The following MROH1 variants were observed in gnomAD, a reference collection of about 807,000 sequenced individuals.
MROH1 encodes maestro heat like repeat family member 1.
MROH1 carries 117 observed loss-of-function variants against 116.5 expected under a neutral mutation model. The observed-to-expected ratio is 1.00, with a 90% CI of 0.86 to 1.17. The LOEUF (loss-of-function observed/expected upper bound fraction) is 1.17, where lower values mean the gene tolerates loss of function less well. Among genes scored for constraint, MROH1 ranks in the 50% most tolerant of loss-of-function variants. The pLI, the probability that MROH1 is intolerant of heterozygous loss-of-function variation, is 0.00. For synonymous variants in MROH1, 921 were observed against 583.9 expected (o/e 1.58, Z -8.32); for missense variants, 1,873 against 1,338.5 (o/e 1.40, Z -6.23).
rs560917326 is a variant in MROH1 at position 144,178,378 on chromosome 8, C to T, written c.169-1077C>T. Among the ~76,000 whole-genome samples, 22 of 151,526 alleles carry T rather than the reference C, an allele frequency of 1.5e-4. 1 individual carries two copies. In the South Asian group the frequency reaches 4.0e-3, roughly 27 times the overall value. On this transcript the variant is annotated intron_variant, in intron 4 of 43. Coordinates refer to ENST00000326134, the MANE Select transcript of MROH1 (RefSeq NM_032450.3). ...AACCCCTGACATCAGGTGATCCGCC[C>T]GCCTCAGCCTCCCTAAGTGTTGAGA...
chr8:144,183,109 A>G (rs529295253), intron 7 of MROH1, among the ~76,000 whole-genome samples: 2 of 152,002 alleles, frequency 1.3e-5, no homozygotes, highest in East Asian at 3.9e-4. Context: ...TGGGCATGGT[A>G]GCTTACGCCT....
intron 2 of MROH1, among the ~76,000 whole-genome samples, chr8:144,162,102 T>A (rs930473186): frequency 4.8e-5 from 7 of 145,364 alleles, no homozygotes; most frequent in African/African-American, 1.6e-4. Flanking sequence ...TTTTTTTTTT[T>A]AAGACAGAGT....
intron 3 of MROH1, among the ~76,000 whole-genome samples, chr8:144,164,423 A>C (rs1820294528): frequency 6.6e-6 from 1 of 151,438 alleles, no homozygotes; most frequent in Admixed American, 6.6e-5. Context: ...AAAAAAAAAA[A>C]AGACAGGGTC....
At chr8:144,227,264 C>T (rs569102658) in intron 14 of MROH1, among the ~76,000 whole-genome samples, 1 of 152,296 alleles carries the variant, frequency 6.6e-6, no homozygotes, top group South Asian at 2.1e-4. Flanking sequence ...CTCTAGCATG[C>T]TGCTGAATGA....
chr8:144,240,740 T>C (rs1840833902), intron 20 of MROH1, 63 bp downstream of exon 20: 2 of 704,430 alleles, frequency 2.8e-6, no homozygotes, highest in Non-Finnish European at 5.2e-6. Flanking sequence ...GTCTCGTGTC[T>C]GTCACTTGCT....
chr8:144,245,156 C>T lies in MROH1; in HGVS notation c.2767C>T (p.His923Tyr). The T allele has an allele frequency of 2.6e-6, 2 of 779,044 alleles. No individual in the cohort carries two copies. Among genetic ancestry groups the T allele is most frequent in the Non-Finnish European group, 2.4e-6 (1 of 417,770 alleles). 48.3% of individuals were successfully genotyped at this position (779,044 alleles called of 1,614,324 possible). The change falls in exon 29 of 44, where the codon CAC becomes TAC. Residue 923 changes from histidine to tyrosine, a missense_variant and splice_region_variant. Transcript: ENST00000326134. ...CCTGTGTGACGCCCCTCTTCCTCAG[C>T]ACCTGAGCCCATGGATCAAGTCCCC... ...TPQGLQIMIE[H>Y]LSPWIKSPRG...
At chr8:144,208,482 T>C (rs1274957434) in intron 12 of MROH1, among the ~76,000 whole-genome samples, 1 of 151,104 alleles carries the variant, frequency 6.6e-6, no homozygotes, top group African/African-American at 2.4e-5. Context: ...TCTGTATCCC[T>C]ATATCCCCCT....
At chr8:144,174,998 C>CT (rs1823454699) in intron 4 of MROH1, 1 of 985,284 alleles carries the variant, frequency 1.0e-6, no homozygotes, top group Admixed American at 6.2e-5. Flanking sequence ...TTGTTTTCCT[C>CT]TGGAAAAAAG....
chr8:144,215,199 T>G (rs911216013), intron 12 of MROH1, among the ~76,000 whole-genome samples: 2 of 152,248 alleles, frequency 1.3e-5, no homozygotes, highest in Non-Finnish European at 2.9e-5. Context: ...ATCAAACTTT[T>G]TAATCTTTTA....
At chr8:144,156,810 G>C (rs1272452109) in intron 1 of MROH1, among the ~76,000 whole-genome samples, 1 of 122,680 alleles carries the variant, frequency 8.2e-6, no homozygotes, top group Non-Finnish European at 1.6e-5. Flanking sequence ...TTGAGACAGA[G>C]TCTCATTCTG....
chr8:144,251,597 T>C (rs1842856150), intron 33 of MROH1: 1 of 152,318 alleles, frequency 6.6e-6, no homozygotes, highest in East Asian at 1.9e-4. Flanking sequence ...TGGGTCTGGC[T>C]GGGCTGCTGG....
Position 144,254,985 on chromosome 8 carries a change from C to T in MROH1, c.3594+7C>T, listed in dbSNP as rs35465208. The T allele has an allele frequency of 0.4, 296,964 of 749,456 alleles. 64,124 individuals carry two copies. The highest frequency in any genetic ancestry group is 0.48 in the Non-Finnish European group (195,367 of 406,448). 46.4% of individuals were successfully genotyped at this position (749,456 alleles called of 1,614,324 possible). A position where few individuals can be genotyped will look rare whatever the true frequency, so the allele number is the denominator to read the frequency against. Reference sequence around the variant, plus strand: ...CACGCTGCTGCCTCTCTCGGTGAGTCGGGCTCTCGGGGCCACCTTGACACG... The same window carrying T: ...CACGCTGCTGCCTCTCTCGGTGAGTTGGGCTCTCGGGGCCACCTTGACACG... On this transcript the variant is annotated splice_region_variant and intron_variant, in intron 34 of 43. Transcript: ENST00000326134.
intron 12 of MROH1, chr8:144,200,893 C>G (rs6995534): frequency 0.98 from 210,545 of 215,918 alleles, 102,867 homozygotes; most frequent in South Asian, 1. Context: ...CAAAGACACA[C>G]TTTGGTTTAG....
intron 31 of MROH1, among the ~76,000 whole-genome samples, chr8:144,248,302 G>T (rs905028610): frequency 6.6e-6 from 1 of 152,114 alleles, no homozygotes; most frequent in Non-Finnish European, 1.5e-5. Flanking sequence ...TTGCATTACG[G>T]GGGGGAAAAA....
chr8:144,153,669 A>G (rs1817379043), intron 1 of MROH1, among the ~76,000 whole-genome samples: 2 of 152,344 alleles, frequency 1.3e-5, no homozygotes, highest in South Asian at 2.1e-4. Context: ...TGCAGTACCC[A>G]TGGCAGTGCA....
At chr8:144,246,069 T>A (rs1841866466) in intron 29 of MROH1, among the ~76,000 whole-genome samples, 1 of 102,052 alleles carries the variant, frequency 9.8e-6, no homozygotes, top group Non-Finnish European at 1.8e-5. Context: ...CCCTTCCTCC[T>A]TCCTTTCCTT....
Position 144,252,668 on chromosome 8 carries a change from C to CA in MROH1, c.3429-2131dup, listed in dbSNP as rs1180847898. On this transcript the variant is annotated intron_variant, in intron 33 of 43. Transcript: ENST00000326134. ...GGGCGACAGAGCAAGAACTCTGTCT[C>CA]AAAAAAAAAAAAAATTGGCCAGGCA... 6.7e-3 allele frequency: 798 copies of CA among 118,750 alleles called. 6 individuals carry two copies. Among genetic ancestry groups the CA allele is most frequent in the Middle Eastern group, 0.01 (2 of 194 alleles). 7.4% of individuals were successfully genotyped at this position (118,750 alleles called of 1,614,324 possible).
At chr8:144,188,680 A>T (rs1466948956) in intron 7 of MROH1, among the ~76,000 whole-genome samples, 1 of 151,810 alleles carries the variant, frequency 6.6e-6, no homozygotes, top group African/African-American at 2.4e-5. Context: ...GTTGCCCAGG[A>T]TGGTCTCGAA....
Position 144,255,615 on chromosome 8 carries a change from C to T in MROH1, c.3701C>T (p.Thr1234Ile). 2.6e-6 allele frequency: 2 copies of T among 777,786 alleles called. No homozygotes were observed. The highest frequency in any genetic ancestry group is 4.8e-6 in the Non-Finnish European group (2 of 417,324). 48.2% of individuals were successfully genotyped at this position (777,786 alleles called of 1,614,324 possible). ...GTGCTTCTGCTGCGCGTCAGCTGCA[C>T]CGTGGGTGTCCAGCTGCCCCGGAAC... ...FVVLLLRVSC[T>I]VGVQLPRNLQ... Residue 1234 changes from threonine (T) to isoleucine (I), a missense_variant, in exon 35 of 44, where the codon ACC becomes ATC. Coordinates refer to ENST00000326134, the MANE Select transcript of MROH1 (RefSeq NM_032450.3).
Sources: allele counts gnomAD v4.1 joint callset (sites outside exome capture counted in the v4.1 genomes callset), GRCh38; gene constraint gnomAD v4.1.1; transcripts MANE v1.5; gene names NCBI Gene and HGNC (gene_info 2026-07-23, HGNC 2026-07-21).